USH2A: variants seen among roughly 807,000 people sequenced by gnomAD.
The protein encoded by USH2A is Usher syndrome 2A (autosomal recessive, mild).
A neutral mutation model predicts 538.9 loss-of-function variants in USH2A; 443 were observed. The ratio of observed to expected loss-of-function variants is 0.82; its 90% CI spans 0.76 to 0.89. The LOEUF (loss-of-function observed/expected upper bound fraction) is 0.89, where lower values mean the gene tolerates loss of function less well. Ranked by LOEUF, USH2A falls within the 40% of genes least tolerant of loss-of-function variation. USH2A has a pLI of 0.00. For synonymous variants in USH2A, 2,413 were observed against 2,273.5 expected, an observed-to-expected ratio of 1.06 and a Z score of -1.75; for missense variants, 6,633 against 6,324.8, an observed-to-expected ratio of 1.05 and a Z score of -1.65.
rs1018054340 is a variant in USH2A, at chr1:216,105,618, T to C, written c.4628-8405A>G. On this transcript the variant is annotated intron_variant, in intron 21 of 71. Transcript: ENST00000307340. ...TTTGGATATTCTAGGTCTTTCAACT[T>C]GTAGAATCAACTTGGGAATTTCTTC... Among the ~76,000 whole-genome samples the C allele has an allele frequency of 1.3e-4, 20 of 152,072 alleles. 1 individual carries two copies. Among genetic ancestry groups the C allele is most frequent in the Non-Finnish European group, 7.4e-5 (5 of 67,936 alleles).
chr1:215,949,751 C>T (rs994663585), intron 37 of USH2A, among the ~76,000 whole-genome samples: 11 of 151,910 alleles, frequency 7.2e-5, no homozygotes, highest in Non-Finnish European at 1.5e-4. Context: ...ATCTGAAGTA[C>T]TACATCATAA....
intron 64 of USH2A, among the ~76,000 whole-genome samples, chr1:215,669,137 G>C (rs920053901): frequency 5.3e-5 from 8 of 152,158 alleles, no homozygotes; most frequent in African/African-American, 1.7e-4. Flanking sequence ...CAATACCAGA[G>C]AAAGTTTGTG....
intron 37 of USH2A, among the ~76,000 whole-genome samples, chr1:215,953,968 C>T (rs1361035449): frequency 2.6e-5 from 4 of 152,286 alleles, no homozygotes; most frequent in South Asian, 2.1e-4. Context: ...AAAAAATGCT[C>T]ATCATCACTG....
chr1:216,226,889 C>G (rs2035573215), intron 14 of USH2A, among the ~76,000 whole-genome samples: 1 of 152,150 alleles, frequency 6.6e-6, no homozygotes, highest in Non-Finnish European at 1.5e-5. Context: ...GCACTGTCTT[C>G]TAGCTTACCT....
intron 55 of USH2A, among the ~76,000 whole-genome samples, chr1:215,774,067 C>T (rs186909770): frequency 2.0e-5 from 3 of 152,092 alleles, no homozygotes; most frequent in Admixed American, 1.3e-4. Flanking sequence ...TCCTCCCCCC[C>T]ATTGAGCAGC....
At chr1:215,915,098 A>G (rs1358091492) in intron 38 of USH2A, among the ~76,000 whole-genome samples, 1 of 152,118 alleles carries the variant, frequency 6.6e-6, no homozygotes, top group Non-Finnish European at 1.5e-5. Context: ...CTAGGTGTGA[A>G]GTAGGTGGGT....
intron 64 of USH2A, among the ~76,000 whole-genome samples, chr1:215,665,065 C>T (rs558984426): frequency 1.4e-4 from 22 of 152,324 alleles, no homozygotes; most frequent in Non-Finnish European, 2.4e-4. Flanking sequence ...TCATCGCCAA[C>T]GATTTGGTAG....
chr1:216,064,983 AT>A (rs748194929), intron 30 of USH2A, among the ~76,000 whole-genome samples: 27 of 152,256 alleles, frequency 1.8e-4, no homozygotes, highest in Non-Finnish European at 3.1e-4. Flanking sequence ...AACTCAAAAA[AT>A]TCAAACAAAA....
intron 20 of USH2A, among the ~76,000 whole-genome samples, chr1:216,183,311 G>T (rs1410116599): frequency 6.6e-6 from 1 of 151,478 alleles, no homozygotes; most frequent in Non-Finnish European, 1.5e-5. Flanking sequence ...TGCCTCCAGC[G>T]ATCTGGTATT....
In USH2A at chr1:215,627,441, C is replaced by CTTCCTTCTTTCCTTCCTTCT. The variant is rs1558027526; in HGVS notation, c.15519+1372_15519+1373insAGAAGGAAGGAAAGAAGGAA. Among the ~76,000 whole-genome samples, 48 of 55,080 alleles carry CTTCCTTCTTTCCTTCCTTCT rather than the reference C, an allele frequency of 8.7e-4. 1 individual carries two copies. Among genetic ancestry groups the CTTCCTTCTTTCCTTCCTTCT allele is most frequent in the African/African-American group, 2.5e-3 (45 of 17,774 alleles). 36.1% of individuals were successfully genotyped at this position (55,080 alleles called of 152,430 possible). A position where few individuals can be genotyped will look rare whatever the true frequency, so the allele number is the denominator to read the frequency against. ...CCTTCCTTCCTTCCTTCCTTCCTTCCTTCCTTCCTTCCTTCCTTCCTTCCT... is the reference window on the plus strand; with the variant it reads ...CCTTCCTTCCTTCCTTCCTTCCTTCCTTCCTTCTTTCCTTCCTTCTTTCCTTCCTTCCTTCCTTCCTTCCT... On this transcript the variant is annotated intron_variant, in intron 71 of 71. Transcript: ENST00000307340.
At chr1:215,803,116 A>C (rs1245002881) in intron 49 of USH2A, among the ~76,000 whole-genome samples, 1 of 152,172 alleles carries the variant, frequency 6.6e-6, no homozygotes, top group Non-Finnish European at 1.5e-5. Context: ...TAAATTAGGT[A>C]TTGATGGGAT....
rs145830318 is a variant in USH2A, at chr1:215,675,168, T to C, written c.12743A>G (p.His4248Arg). 1.1e-3 allele frequency: 1,737 copies of C among 1,614,104 alleles called. 12 individuals are homozygous for C. The African/African-American group carries it at 0.02, about 19-fold the overall frequency. The change falls in exon 63 of 72, where the codon CAT becomes CGT. Residue 4248 changes from histidine (H) to arginine (R), a missense_variant. Coordinates refer to ENST00000307340, the MANE Select transcript of USH2A (RefSeq NM_206933.4). ...CACCACATTCCAAGAGCTACAGGTA[T>C]GCCCAGCTGAATTCCAAGTGTAGAT... Reference protein sequence around the residue: ...YKIYTWNSAGHTCSSWNVVRT... With the variant: ...YKIYTWNSAGRTCSSWNVVRT...
chr1:215,824,674 C>G (rs1223240845), intron 47 of USH2A, among the ~76,000 whole-genome samples: 1 of 152,148 alleles, frequency 6.6e-6, no homozygotes, highest in East Asian at 1.9e-4. Context: ...CTCTGGATGT[C>G]CTCACAGAGA....
intron 41 of USH2A, among the ~76,000 whole-genome samples, chr1:215,881,764 T>A (rs536495491): frequency 1.3e-5 from 2 of 152,240 alleles, no homozygotes; most frequent in African/African-American, 4.8e-5. Flanking sequence ...ATTTCAGAGA[T>A]GGCTTTCCTA....
chr1:215,885,382 TC>T (rs1367381220), intron 41 of USH2A, among the ~76,000 whole-genome samples: 4 of 152,208 alleles, frequency 2.6e-5, no homozygotes, highest in Admixed American at 2.6e-4. Context: ...AATTTGGTAA[TC>T]TTTTATTTAG....
chr1:215,759,875 T>C (rs766080521), intron 56 of USH2A, 32 bp from the exon 57 acceptor site: 13 of 1,613,140 alleles, frequency 8.1e-6, no homozygotes, highest in Non-Finnish European at 1.1e-5. Flanking sequence ...GGTTTTATTG[T>C]TAGGAGAAAA....
chr1:216,422,516 C>A lies in USH2A; in HGVS notation c.-180G>T, dbSNP rs993199310. On this transcript the variant is annotated 5_prime_UTR_variant, in exon 2 of 72. Coordinates refer to ENST00000307340, the MANE Select transcript of USH2A (RefSeq NM_206933.4). ...ATACCAACGACGTTCTTAGCAATGG[C>A]GAAGACATGAGTAGCTGCTGGTATC... is the stretch of plus-strand genomic sequence containing the variant. 8.8e-6 allele frequency: 7 copies of A among 792,330 alleles called. No individual in the cohort carries two copies. The highest frequency in any genetic ancestry group is 7.1e-5 in the South Asian group (4 of 56,102). The allele number at this position is 792,330 out of a possible 1,614,324, so 49.1% of individuals were successfully genotyped here. A position where few individuals can be genotyped will look rare whatever the true frequency, so the allele number is the denominator to read the frequency against.
At chr1:216,157,473 C>T (rs1457862161) in intron 21 of USH2A, among the ~76,000 whole-genome samples, 4 of 152,034 alleles carry the variant, frequency 2.6e-5, no homozygotes, top group Admixed American at 6.6e-5. Flanking sequence ...CCTGTTATAC[C>T]CAAAGAAAAA....
At chr1:216,190,187 G>A (rs773896245) in intron 20 of USH2A, 36 bp downstream of exon 20, 17 of 1,610,760 alleles carry the variant, frequency 1.1e-5, no homozygotes, top group Non-Finnish European at 1.3e-5. Flanking sequence ...TTCTTGATAG[G>A]CAACAGATTT....
Sources: gnomAD v4.1 joint callset for allele counts (sites outside exome capture counted in the v4.1 genomes callset) on GRCh38, gnomAD v4.1.1 for gene constraint, MANE v1.5 for transcripts, NCBI Gene and HGNC (gene_info 2026-07-23, HGNC 2026-07-21) for gene names.